UBE2D1: variants seen among roughly 807,000 people sequenced by gnomAD.
The protein encoded by UBE2D1 is ubiquitin conjugating enzyme E2 D1.
Under a neutral mutation model 24.6 loss-of-function variants are expected in UBE2D1, and 9 were observed. The ratio of observed to expected loss-of-function variants is 0.37; its 90% confidence interval spans 0.22 to 0.64. The LOEUF (loss-of-function observed/expected upper bound fraction) is 0.64. Among genes scored for constraint, UBE2D1 ranks in the 30% least tolerant of loss-of-function variants. The pLI, the probability that UBE2D1 is intolerant of heterozygous loss-of-function variation, is 0.64. For synonymous variants in UBE2D1, 57 were observed against 57.6 expected (o/e 0.99, Z 0.04); for missense variants, 87 against 177.1 (o/e 0.49, Z 2.89).
intron 1 of UBE2D1, among the ~76,000 whole-genome samples, chr10:58,339,856 C>T (rs1839944768): frequency 6.6e-6 from 1 of 151,744 alleles, no homozygotes; most frequent in South Asian, 2.1e-4. Flanking sequence ...CTGAAAGCTA[C>T]CAAACTGCCT....
At position 58,368,711 on chromosome 10, in the gene UBE2D1, T is replaced by C; in HGVS notation, c.399-9T>C. 1.3e-6 allele frequency: 2 copies of C among 1,568,516 alleles called. No homozygotes were observed. The highest frequency in any genetic ancestry group is 1.7e-6 in the Non-Finnish European group (2 of 1,156,850). On this transcript the variant is annotated splice_polypyrimidine_tract_variant and intron_variant, in intron 6 of 6. Coordinates refer to ENST00000373910, the MANE Select transcript of UBE2D1 (RefSeq NM_003338.5). Reference sequence around the variant, plus strand: ...ATGTTTTTACTATATCCTTTTTGTGTATCTACAGATACAACAGACATGCAA... The same window carrying C: ...ATGTTTTTACTATATCCTTTTTGTGCATCTACAGATACAACAGACATGCAA...
At chr10:58,338,086 A>G (rs542566904) in intron 1 of UBE2D1, among the ~76,000 whole-genome samples, 3 of 152,148 alleles carry the variant, frequency 2.0e-5, no homozygotes, top group Admixed American at 2.0e-4. Flanking sequence ...AGCTCAGGCA[A>G]TCCACCTACC....
intron 1 of UBE2D1, among the ~76,000 whole-genome samples, chr10:58,344,872 T>G (rs745665490): frequency 3.3e-5 from 5 of 151,654 alleles, no homozygotes; most frequent in African/African-American, 4.8e-5. Flanking sequence ...TTTTTGTTTT[T>G]TTTTTTTTTA....
chr10:58,362,786 G>A (rs1223717009), intron 3 of UBE2D1, among the ~76,000 whole-genome samples: 1 of 152,022 alleles, frequency 6.6e-6, no homozygotes, highest in East Asian at 1.9e-4. Flanking sequence ...TAGCATATAT[G>A]TGGAAACTTA....
intron 1 of UBE2D1, among the ~76,000 whole-genome samples, chr10:58,341,350 T>C (rs1213202860): frequency 6.6e-6 from 1 of 152,250 alleles, no homozygotes; most frequent in African/African-American, 2.4e-5. Context: ...ACGGTATTTA[T>C]GCATTTTGGG....
At chr10:58,352,143 A>G (rs1157766767) in intron 1 of UBE2D1, among the ~76,000 whole-genome samples, 1 of 151,992 alleles carries the variant, frequency 6.6e-6, no homozygotes, top group Non-Finnish European at 1.5e-5. Context: ...CATTTTCAAC[A>G]CATTGTCACA....
In UBE2D1 at chr10:58,341,672, A is replaced by G. The variant is rs188417587; in HGVS notation, c.24+6447A>G. ...TGTGGGATTGCCTCCAGGAAAGCAA[A>G]ATAGCGTCCTTACTCGCTTTAGTTC... On this transcript the variant is annotated intron_variant, in intron 1 of 6. Coordinates refer to ENST00000373910, the MANE Select transcript of UBE2D1 (RefSeq NM_003338.5). Among the ~76,000 whole-genome samples the G allele has an allele frequency of 2.3e-4, 35 of 152,352 alleles. No individual in the cohort carries two copies. In the East Asian group the frequency reaches 6.2e-3, roughly 27 times the overall value.
chr10:58,361,695 G>A (rs1840200484), intron 3 of UBE2D1, among the ~76,000 whole-genome samples, 169 bp downstream of exon 3: 1 of 152,046 alleles, frequency 6.6e-6, no homozygotes, highest in Non-Finnish European at 1.5e-5. Flanking sequence ...AGCATTGGTG[G>A]CAAATATTTC....
chr10:58,366,109 A>G (rs1386741477), intron 5 of UBE2D1, among the ~76,000 whole-genome samples: 6 of 152,156 alleles, frequency 3.9e-5, no homozygotes, highest in African/African-American at 1.2e-4. Context: ...GGTTAATTCA[A>G]GTTCATACGC....
intron 1 of UBE2D1, among the ~76,000 whole-genome samples, chr10:58,347,639 C>CTTTTT (rs774396274): frequency 4.9e-4 from 57 of 116,230 alleles, no homozygotes; most frequent in African/African-American, 1.5e-3. Flanking sequence ...AAATTACACT[C>CTTTTT]TTTTTTTTTT....
chr10:58,361,676 A>T, intron 3 of UBE2D1, 150 bp downstream of exon 3: 1 of 1,109,102 alleles, frequency 9.0e-7, no homozygotes, highest in Admixed American at 2.4e-5. Context: ...ATTTACAATG[A>T]TTTTCCAAAG....
rs1297890917 is a variant in UBE2D1 at position 58,335,108 on chromosome 10, C to A, written c.-94C>A. ...CGGGGACCCACCGCGCGGAGCCAGCCTAGCTGCCAGCGAGCCCAACCCGCG... is the reference window on the plus strand; with the variant it reads ...CGGGGACCCACCGCGCGGAGCCAGCATAGCTGCCAGCGAGCCCAACCCGCG... On this transcript the variant is annotated 5_prime_UTR_variant, in exon 1 of 7. Coordinates refer to ENST00000373910, the MANE Select transcript of UBE2D1 (RefSeq NM_003338.5). 124 of 1,395,576 alleles carry A rather than the reference C, an allele frequency of 8.9e-5. No individual in the cohort carries two copies. The highest frequency in any genetic ancestry group is 1.2e-4 in the Non-Finnish European group (120 of 1,025,338). The allele number at this position is 1,395,576 out of a possible 1,614,324, so 86.4% of individuals were successfully genotyped here. A position where few individuals can be genotyped will look rare whatever the true frequency, so the allele number is the denominator to read the frequency against.
Position 58,335,200 on chromosome 10 carries a change from C to A in UBE2D1, c.-2C>A, listed in dbSNP as rs756673553. On this transcript the variant is annotated 5_prime_UTR_variant, in exon 1 of 7. Coordinates refer to ENST00000373910, the MANE Select transcript of UBE2D1 (RefSeq NM_003338.5). ...CGGTGTCCCCACCGCCATCCCTGACCCATGGCGCTGAAGAGGATTCAGAAA... is the reference window on the plus strand; with the variant it reads ...CGGTGTCCCCACCGCCATCCCTGACACATGGCGCTGAAGAGGATTCAGAAA... 7.1e-6 allele frequency: 11 copies of A among 1,548,712 alleles called. No homozygotes were observed. Among genetic ancestry groups the A allele is most frequent in the Non-Finnish European group, 9.6e-6 (11 of 1,149,996 alleles).
At chr10:58,348,374 C>T (rs1262818397) in intron 1 of UBE2D1, among the ~76,000 whole-genome samples, 1 of 152,134 alleles carries the variant, frequency 6.6e-6, no homozygotes, top group African/African-American at 2.4e-5. Context: ...ACAGACAAAC[C>T]AAATACAGCT....
rs917077449 is a variant in UBE2D1 at position 58,369,387 on chromosome 10, G to C, written c.*622G>C. The C allele has an allele frequency of 6.6e-6, 1 of 152,464 alleles. No homozygotes were observed. Among genetic ancestry groups the C allele is most frequent in the African/African-American group, 2.4e-5 (1 of 41,412 alleles). 9.4% of individuals were successfully genotyped at this position (152,464 alleles called of 1,614,324 possible). ...TTTACACTGTAATTCTCAGCATACT[G>C]ATTATGGAGAAACACTTGTTTTGAT... On this transcript the variant is annotated 3_prime_UTR_variant, in exon 7 of 7. Coordinates refer to ENST00000373910, the MANE Select transcript of UBE2D1 (RefSeq NM_003338.5).
At chr10:58,355,729 A>G (rs1840124541) in intron 1 of UBE2D1, among the ~76,000 whole-genome samples, 1 of 152,226 alleles carries the variant, frequency 6.6e-6, no homozygotes, top group Admixed American at 6.5e-5. Context: ...TGTTAAAATA[A>G]TAAGGTTCAT....
At chr10:58,335,846 A>T (rs902181523) in intron 1 of UBE2D1, among the ~76,000 whole-genome samples, 19 of 152,198 alleles carry the variant, frequency 1.2e-4, no homozygotes, top group African/African-American at 4.6e-4. Context: ...TTCAGGTCAC[A>T]TAGCTGTAGC....
chr10:58,350,206 G>T (rs182311901), intron 1 of UBE2D1, among the ~76,000 whole-genome samples: 9 of 152,208 alleles, frequency 5.9e-5, no homozygotes, highest in African/African-American at 2.2e-4. Flanking sequence ...TGCCATTAGT[G>T]GTTACTATCA....
chr10:58,367,885 G>T (rs371035875), intron 5 of UBE2D1, 38 bp from the exon 6 acceptor site: 9 of 1,355,722 alleles, frequency 6.6e-6, no homozygotes, highest in Non-Finnish European at 9.5e-6. Flanking sequence ...TGAAGTAGAA[G>T]GGTTATTGTC....
Sources: allele counts gnomAD v4.1 joint callset (sites outside exome capture counted in the v4.1 genomes callset), GRCh38; gene constraint gnomAD v4.1.1; transcripts MANE v1.5; gene names NCBI Gene and HGNC (gene_info 2026-07-23, HGNC 2026-07-21).